Variants in DIPK1A observed in about 807,000 individuals in gnomAD.
The protein encoded by DIPK1A is family with sequence similarity 69 member A.
Under a neutral mutation model 40.8 loss-of-function variants are expected in DIPK1A, and 27 were observed. The ratio of observed to expected loss-of-function variants is 0.66; its 90% CI spans 0.49 to 0.91. The LOEUF (loss-of-function observed/expected upper bound fraction) is 0.91, where lower values mean the gene tolerates loss of function less well. DIPK1A is among the 40% of genes least tolerant of loss of function. DIPK1A has a pLI of 0.00. For missense variants in DIPK1A, 412 were observed against 505.7 expected, an observed-to-expected ratio of 0.81 and a Z score of 1.78; for synonymous variants, 166 against 171.3, an observed-to-expected ratio of 0.97 and a Z score of 0.24.
intron 1 of DIPK1A, among the ~76,000 whole-genome samples, chr1:92,880,351 T>G (rs1648310574): frequency 6.6e-6 from 1 of 152,198 alleles, no homozygotes; most frequent in Non-Finnish European, 1.5e-5. Flanking sequence ...GAAGCAGTTA[T>G]CACTAGAGTA....
intron 1 of DIPK1A, among the ~76,000 whole-genome samples, chr1:92,942,871 G>T (rs1557494992): frequency 6.6e-6 from 1 of 152,170 alleles, no homozygotes; most frequent in Non-Finnish European, 1.5e-5. Flanking sequence ...CACCATGTTG[G>T]TCAGGCTGGT....
Position 92,876,397 on chromosome 1 carries a change from AAAGAT to A in DIPK1A, c.83_87del (p.Tyr28PhefsTer31), listed in dbSNP as rs1203018648. On this transcript the variant is annotated frameshift_variant, in exon 2 of 5. Coordinates refer to ENST00000370310, the MANE Select transcript of DIPK1A (RefSeq NM_001006605.5). LOFTEE classifies it high-confidence loss of function. ...ACAAAAACCACTAACCAGGAAAAGA[AAAGAT>A]ATTTCATCCGCACATATGAGAAGCG... 6 of 1,613,672 alleles carry A rather than the reference AAAGAT, an allele frequency of 3.7e-6. No homozygotes were observed. The highest frequency in any genetic ancestry group is 4.2e-6 in the Non-Finnish European group (5 of 1,179,694).
chr1:92,949,130 G>C (rs1651523179), intron 1 of DIPK1A, among the ~76,000 whole-genome samples: 1 of 151,680 alleles, frequency 6.6e-6, no homozygotes, highest in Non-Finnish European at 1.5e-5. Flanking sequence ...CCAACGATTT[G>C]ACATTCTTCT....
chr1:92,907,594 T>C (rs1459175982), intron 1 of DIPK1A, among the ~76,000 whole-genome samples: 2 of 151,986 alleles, frequency 1.3e-5, no homozygotes, highest in African/African-American at 4.8e-5. Flanking sequence ...TGTACCCCGC[T>C]ATGCCTGGCT....
intron 1 of DIPK1A, among the ~76,000 whole-genome samples, chr1:92,895,780 T>G (rs927866350): frequency 6.6e-6 from 1 of 152,090 alleles, no homozygotes; most frequent in African/African-American, 2.4e-5. Context: ...AAAATCTCCT[T>G]AAGCTGATAA....
At chr1:92,915,920 A>G (rs1445368216) in intron 1 of DIPK1A, among the ~76,000 whole-genome samples, 1 of 152,244 alleles carries the variant, frequency 6.6e-6, no homozygotes, top group Non-Finnish European at 1.5e-5. Flanking sequence ...ACAATGGAAT[A>G]TTATTTAACT....
chr1:92,882,675 C>A (rs544682908), intron 1 of DIPK1A, among the ~76,000 whole-genome samples: 1 of 152,192 alleles, frequency 6.6e-6, no homozygotes, highest in South Asian at 2.1e-4. Flanking sequence ...GTAGAGTATT[C>A]CACTGATTTT....
intron 1 of DIPK1A, among the ~76,000 whole-genome samples, chr1:92,922,454 C>T (rs1443313510): frequency 2.6e-5 from 4 of 151,808 alleles, no homozygotes; most frequent in South Asian, 2.1e-4. Flanking sequence ...TACACAATTT[C>T]GTCCGGGGAG....
At chr1:92,844,507 C>T (rs1687509704) in intron 4 of DIPK1A, among the ~76,000 whole-genome samples, 2 of 152,168 alleles carry the variant, frequency 1.3e-5, no homozygotes, top group South Asian at 4.1e-4. Flanking sequence ...CTCATTCATA[C>T]ATTAAAAAAC....
At position 92,898,034 on chromosome 1, in the gene DIPK1A, G is replaced by A. The variant is rs534039150; in HGVS notation, c.55-21604C>T. 2.7e-5 allele frequency among the ~76,000 whole-genome samples: 4 copies of A among 150,796 alleles called. No homozygotes were observed. The South Asian group carries it at 8.5e-4, about 32-fold the overall frequency. On this transcript the variant is annotated intron_variant, in intron 1 of 4. Transcript: ENST00000370310. ...GAATTGCTTGAATCTGGGAGATGGA[G>A]GTTGAAGTGGGTCAAGATTGTGTCA...
chr1:92,848,786 A>T (rs1449490063), intron 3 of DIPK1A, among the ~76,000 whole-genome samples: 3 of 152,120 alleles, frequency 2.0e-5, no homozygotes, highest in Non-Finnish European at 2.9e-5. Context: ...GAGACACTCA[A>T]ATGTTGGACT....
intron 1 of DIPK1A, among the ~76,000 whole-genome samples, chr1:92,881,172 C>CA (rs71094212): frequency 0.64 from 32,103 of 50,416 alleles, 10,576 homozygotes; most frequent in East Asian, 0.89. Context: ...GACTCGGTCT[C>CA]AAAAAAAAAA....
At chr1:92,933,764 A>G (rs1650848192) in intron 1 of DIPK1A, 1 of 152,222 alleles carries the variant, frequency 6.6e-6, no homozygotes, top group African/African-American at 2.4e-5. Context: ...TATTTGCTGA[A>G]TTAATTCAGT....
At chr1:92,861,700 C>T (rs997210407) in intron 2 of DIPK1A, among the ~76,000 whole-genome samples, 1 of 152,096 alleles carries the variant, frequency 6.6e-6, no homozygotes, top group African/African-American at 2.4e-5. Context: ...CCTCCTTCAG[C>T]ATTTGTCCTG....
At chr1:92,937,763 A>G (rs935738803) in intron 1 of DIPK1A, among the ~76,000 whole-genome samples, 1 of 152,176 alleles carries the variant, frequency 6.6e-6, no homozygotes, top group African/African-American at 2.4e-5. Context: ...GTGTTCCTTG[A>G]GCATAAATGT....
At chr1:92,920,482 T>C (rs1467589734) in intron 1 of DIPK1A, among the ~76,000 whole-genome samples, 1 of 152,236 alleles carries the variant, frequency 6.6e-6, no homozygotes, top group East Asian at 1.9e-4. Context: ...GTATCGAGTA[T>C]GTCTTTATTA....
intron 1 of DIPK1A, among the ~76,000 whole-genome samples, chr1:92,916,446 T>C (rs1488781976): frequency 6.6e-6 from 1 of 151,750 alleles, no homozygotes; most frequent in East Asian, 1.9e-4. Flanking sequence ...GGATTACAGG[T>C]GCCCGCCCCC....
chr1:92,853,407 T>A (rs983126099), intron 2 of DIPK1A, among the ~76,000 whole-genome samples: 7 of 152,172 alleles, frequency 4.6e-5, no homozygotes, highest in Non-Finnish European at 7.3e-5. Context: ...CCTTTGAGCA[T>A]CCAGGCAAAA....
chr1:92,888,037 G>T (rs2100796177), intron 1 of DIPK1A, among the ~76,000 whole-genome samples: 1 of 151,508 alleles, frequency 6.6e-6, no homozygotes, highest in South Asian at 2.1e-4. Flanking sequence ...CTTTGTATTT[G>T]GAACATTCAA....
Sources: gnomAD v4.1 joint callset for allele counts (sites outside exome capture counted in the v4.1 genomes callset) on GRCh38, gnomAD v4.1.1 for gene constraint, MANE v1.5 for transcripts, NCBI Gene and HGNC (gene_info 2026-07-23, HGNC 2026-07-21) for gene names.